SI: variants seen among roughly 807,000 people sequenced by gnomAD.
The protein encoded by SI is sucrase-isomaltase.
Under a neutral mutation model 253.3 loss-of-function variants are expected in SI, and 235 were observed. The ratio of observed to expected loss-of-function variants is 0.93; its 90% CI spans 0.83 to 1.03. The LOEUF (loss-of-function observed/expected upper bound fraction) is 1.03, where lower values mean the gene tolerates loss of function less well. Ranked by LOEUF, SI falls within the 50% of genes least tolerant of loss-of-function variation. SI has a pLI of 0.00. For synonymous variants in SI, 819 were observed against 712.0 expected (o/e 1.15, Z -2.39); for missense variants, 2,442 against 2,211.1 (o/e 1.10, Z -2.09).
At chr3:164,999,355 C>T (rs899610578) in intron 37 of SI, among the ~76,000 whole-genome samples, 1 of 151,620 alleles carries the variant, frequency 6.6e-6, no homozygotes, top group Non-Finnish European at 1.5e-5. Context: ...TTTATATCAT[C>T]TTCATCTGTT....
At chr3:164,983,138 A>G in intron 45 of SI, 87 bp from the exon 46 acceptor site, 1 of 1,264,634 alleles carries the variant, frequency 7.9e-7, no homozygotes, top group Non-Finnish European at 1.1e-6. Flanking sequence ...TCTCTTTCCC[A>G]GTATAAAAAG....
chr3:165,029,408 G>A (rs1327022379), intron 25 of SI, among the ~76,000 whole-genome samples: 2 of 150,410 alleles, frequency 1.3e-5, no homozygotes, highest in South Asian at 2.1e-4. Flanking sequence ...ACTACTATTT[G>A]ATCCAGCAAT....
intron 5 of SI, among the ~76,000 whole-genome samples, chr3:165,068,052 A>G (rs1714338858): frequency 6.6e-6 from 1 of 151,854 alleles, no homozygotes; most frequent in South Asian, 2.1e-4. Flanking sequence ...ATACTAGTAA[A>G]CTACGTGCTA....
the SI span, among the ~76,000 whole-genome samples, chr3:165,085,193 G>T: frequency 1.3e-5 from 2 of 151,986 alleles, no homozygotes; most frequent in Admixed American, 1.3e-4. Flanking sequence ...ATGAAACAGG[G>T]ATTAAACATT....
chr3:165,086,313 T>A, the SI span, among the ~76,000 whole-genome samples: 1 of 152,120 alleles, frequency 6.6e-6, no homozygotes, highest in African/African-American at 2.4e-5. Context: ...CCATAATACA[T>A]GAACCTAATG....
intron 18 of SI, 143 bp from the exon 19 acceptor site, chr3:165,040,114 T>C (rs763950971): frequency 9.8e-6 from 7 of 711,474 alleles, no homozygotes; most frequent in Non-Finnish European, 1.8e-5. Context: ...TTTCAATTCA[T>C]GGTTCTTACA....
At chr3:165,057,114 C>T (rs1713729322) in intron 12 of SI, among the ~76,000 whole-genome samples, 1 of 151,718 alleles carries the variant, frequency 6.6e-6, no homozygotes, top group South Asian at 2.1e-4. Flanking sequence ...GTTTAGGGTT[C>T]TATCAGATAA....
At chr3:165,012,913 G>A in intron 34 of SI, 67 bp downstream of exon 34, 1 of 980,288 alleles carries the variant, frequency 1.0e-6, no homozygotes, top group Non-Finnish European at 1.7e-6. Flanking sequence ...TTTAGTTATT[G>A]ATTAAAATAA....
At chr3:165,088,426 T>C in the SI span, among the ~76,000 whole-genome samples, 3 of 151,678 alleles carry the variant, frequency 2.0e-5, no homozygotes, top group Non-Finnish European at 4.4e-5. Context: ...GGGTGGATCA[T>C]GAGGTCAGGA....
rs769686641 is a variant in SI at position 165,030,692 on chromosome 3, A to G, written c.2892+20T>C. The G allele has an allele frequency of 1.2e-6, 2 of 1,605,778 alleles. No homozygotes were observed. Among genetic ancestry groups the G allele is most frequent in the African/African-American group, 1.3e-5 (1 of 74,524 alleles). On this transcript the variant is annotated intron_variant, in intron 25 of 47. Coordinates refer to ENST00000264382, the MANE Select transcript of SI (RefSeq NM_001041.4). ...TTATGTGATAACCATATCATGAGTAATAGTTAAAATTATTATTACCGTTCT... is the reference window on the plus strand; with the variant it reads ...TTATGTGATAACCATATCATGAGTAGTAGTTAAAATTATTATTACCGTTCT...
chr3:165,048,554 T>G (rs1414061044), intron 15 of SI, among the ~76,000 whole-genome samples: 1 of 110,900 alleles, frequency 9.0e-6, no homozygotes, highest in African/African-American at 3.6e-5. Flanking sequence ...AATATATATA[T>G]ACATATATAT....
intron 31 of SI, among the ~76,000 whole-genome samples, chr3:165,016,911 A>G (rs1210187808): frequency 6.6e-6 from 1 of 151,916 alleles, no homozygotes; most frequent in Non-Finnish European, 1.5e-5. Context: ...TACTATAAAT[A>G]CCAATGTCTT....
At chr3:165,011,463 A>C (rs1576883681) in intron 34 of SI, among the ~76,000 whole-genome samples, 1 of 152,190 alleles carries the variant, frequency 6.6e-6, no homozygotes, top group African/African-American at 2.4e-5. Context: ...TGTGGCTGGG[A>C]AAGATAAATG....
At chr3:165,084,393 C>A in the SI span, among the ~76,000 whole-genome samples, 2 of 151,998 alleles carry the variant, frequency 1.3e-5, no homozygotes, top group African/African-American at 2.4e-5. Context: ...AACATAAGTT[C>A]TTGGGGAACT....
Position 165,032,615 on chromosome 3 carries a change from A to G in SI, c.2643T>C (p.Leu881=), listed in dbSNP as rs1712310312. 1 of 1,609,084 alleles carries G rather than the reference A, an allele frequency of 6.2e-7. No homozygotes were observed. Among genetic ancestry groups the G allele is most frequent in the Non-Finnish European group, 8.5e-7 (1 of 1,176,578 alleles). ...CTTCTGTAACACTGTCTGTCAACCC[A>G]AGGATTTTTACAGTCTGAAATGCTA... ...TTLAFQTVKI[L]GLTDSVTEVR... is the part of the protein sequence containing the mutation. Residue 881 remains leucine (L), a synonymous_variant, in exon 24 of 48, where the codon CTT becomes CTC. Coordinates refer to ENST00000264382, the MANE Select transcript of SI (RefSeq NM_001041.4).
intron 37 of SI, among the ~76,000 whole-genome samples, chr3:165,003,054 C>T (rs951720952): frequency 1.3e-5 from 2 of 151,758 alleles, no homozygotes; most frequent in African/African-American, 4.8e-5. Context: ...TGCATATGGA[C>T]TATTTGGAAA....
At chr3:165,015,280 AACT>A (rs1216027012) in intron 32 of SI, 47 bp from the exon 33 acceptor site, 1 of 1,289,620 alleles carries the variant, frequency 7.8e-7, no homozygotes, top group African/African-American at 1.5e-5. Flanking sequence ...AAAAAAGCGT[AACT>A]ACTTGGACAG....
intron 3 of SI, among the ~76,000 whole-genome samples, chr3:165,069,724 C>A (rs923376859): frequency 6.6e-6 from 1 of 151,848 alleles, no homozygotes; most frequent in Non-Finnish European, 1.5e-5. Flanking sequence ...GCTGCAATAG[C>A]ATTCAATTAA....
At chr3:165,055,159 T>C (rs1713634464) in intron 13 of SI, 35 bp downstream of exon 13, 1 of 1,255,888 alleles carries the variant, frequency 8.0e-7, no homozygotes, top group Non-Finnish European at 1.2e-6. Context: ...TCTATGGTCA[T>C]TGACCAAAAC....
Sources: allele counts gnomAD v4.1 joint callset (sites outside exome capture counted in the v4.1 genomes callset), GRCh38; gene constraint gnomAD v4.1.1; transcripts MANE v1.5; gene names NCBI Gene and HGNC (gene_info 2026-07-23, HGNC 2026-07-21).